The following PTPRM variants were observed in gnomAD, a reference collection of about 807,000 sequenced individuals.
The protein encoded by PTPRM is protein tyrosine phosphatase receptor type M.
A neutral mutation model predicts 186.7 loss-of-function variants in PTPRM; 47 were observed. That is an observed-to-expected ratio of 0.25 (90% CI 0.20 to 0.32). PTPRM has a LOEUF of 0.32. Ranked by LOEUF, PTPRM falls within the 10% of genes least tolerant of loss-of-function variation. The pLI, the probability that PTPRM is intolerant of heterozygous loss-of-function variation, is 1.00. For missense variants in PTPRM, 1,494 were observed against 1,865.0 expected, an observed-to-expected ratio of 0.80 and a Z score of 3.66; for synonymous variants, 668 against 674.9, an observed-to-expected ratio of 0.99 and a Z score of 0.16.
chr18:8,299,807 T>C (rs752556019), intron 20 of PTPRM, among the ~76,000 whole-genome samples: 15 of 152,240 alleles, frequency 9.9e-5, no homozygotes, highest in Non-Finnish European at 1.8e-4. Flanking sequence ...GGTCTGACTA[T>C]GTTCCAGGGA....
At chr18:7,714,957 A>C (rs2040293777) in intron 1 of PTPRM, among the ~76,000 whole-genome samples, 1 of 152,164 alleles carries the variant, frequency 6.6e-6, no homozygotes, top group South Asian at 2.1e-4. Context: ...ATTCCTTCCG[A>C]AACTATTCCA....
chr18:8,257,734 T>C (rs1359269072), intron 19 of PTPRM, among the ~76,000 whole-genome samples: 1 of 152,248 alleles, frequency 6.6e-6, no homozygotes, highest in Non-Finnish European at 1.5e-5. Context: ...CTTTCTGGTC[T>C]TCTTCAATCT....
intron 25 of PTPRM, 130 bp downstream of exon 25, chr18:8,376,330 A>G: frequency 6.5e-7 from 1 of 1,530,620 alleles, no homozygotes; most frequent in Non-Finnish European, 8.9e-7. Context: ...GGAGCACTAA[A>G]TGCCACTGGA....
At chr18:7,854,932 T>TATTCAAGGA in intron 2 of PTPRM, among the ~76,000 whole-genome samples, 1 of 152,162 alleles carries the variant, frequency 6.6e-6, no homozygotes, top group Admixed American at 6.5e-5. Context: ...AGTTATCATT[T>TATTCAAGGA]TACTGCATAT....
At chr18:8,123,559 C>T (rs2092247140) in intron 13 of PTPRM, among the ~76,000 whole-genome samples, 1 of 152,180 alleles carries the variant, frequency 6.6e-6, no homozygotes, top group African/African-American at 2.4e-5. Context: ...ATTGACAGTT[C>T]TGTTGCCCTT....
intron 7 of PTPRM, among the ~76,000 whole-genome samples, chr18:8,006,238 C>T (rs1245272669): frequency 3.9e-5 from 6 of 152,194 alleles, no homozygotes; most frequent in Non-Finnish European, 8.8e-5. Flanking sequence ...CCCAAGTAAA[C>T]ATTTATAAAT....
chr18:7,709,343 A>G (rs982049956), intron 1 of PTPRM, among the ~76,000 whole-genome samples: 27 of 152,322 alleles, frequency 1.8e-4, no homozygotes, highest in African/African-American at 5.0e-4. Context: ...GGAAATTAAA[A>G]AATTATTTGA....
intron 7 of PTPRM, among the ~76,000 whole-genome samples, chr18:8,052,664 ATTC>A (rs1364045539): frequency 2.0e-5 from 3 of 152,208 alleles, no homozygotes; most frequent in African/African-American, 7.2e-5. Flanking sequence ...CTGCCAGGTT[ATTC>A]TTCTAAGTGA....
chr18:7,950,645 A>G (rs2052884750), intron 6 of PTPRM, among the ~76,000 whole-genome samples: 2 of 152,122 alleles, frequency 1.3e-5, no homozygotes. Context: ...TGTATATTAT[A>G]TATAGGACAC....
At chr18:7,848,405 A>T (rs1487062924) in intron 2 of PTPRM, among the ~76,000 whole-genome samples, 1 of 152,212 alleles carries the variant, frequency 6.6e-6, no homozygotes, top group African/African-American at 2.4e-5. Flanking sequence ...CCAATATTTC[A>T]TGAAAAAAAT....
intron 31 of PTPRM, among the ~76,000 whole-genome samples, chr18:8,391,707 C>T (rs757119731): frequency 1.3e-5 from 2 of 152,182 alleles, no homozygotes; most frequent in Non-Finnish European, 2.9e-5. Flanking sequence ...GAGCTGTCTA[C>T]TTACGGTCTT....
chr18:7,657,767 G>T (rs984809054), intron 1 of PTPRM, among the ~76,000 whole-genome samples: 3 of 152,158 alleles, frequency 2.0e-5, no homozygotes, highest in Admixed American at 2.0e-4. Context: ...TTGCATTTTT[G>T]TTTCGCTCAT....
At chr18:7,607,491 T>C (rs1364352618) in intron 1 of PTPRM, among the ~76,000 whole-genome samples, 1 of 152,180 alleles carries the variant, frequency 6.6e-6, no homozygotes, top group Non-Finnish European at 1.5e-5. Context: ...GAGCCGTATT[T>C]CTGGGTTCAG....
chr18:7,993,201 T>G (rs1313101267), intron 7 of PTPRM, among the ~76,000 whole-genome samples: 2 of 151,772 alleles, frequency 1.3e-5, no homozygotes, highest in African/African-American at 4.8e-5. Flanking sequence ...AAAAAATAAT[T>G]TTAAAAAGAA....
intron 24 of PTPRM, among the ~76,000 whole-genome samples, chr18:8,373,803 T>G (rs766547042): frequency 3.3e-5 from 5 of 151,698 alleles, no homozygotes; most frequent in African/African-American, 7.3e-5. Context: ...AAGGATCGCC[T>G]GAGCCCGAGA....
At chr18:8,369,973 CAAAT>C (rs970422335) in intron 23 of PTPRM, among the ~76,000 whole-genome samples, 1 of 151,926 alleles carries the variant, frequency 6.6e-6, no homozygotes, top group African/African-American at 2.4e-5. Flanking sequence ...AAAACAAAAA[CAAAT>C]AAAAAACATT....
chr18:8,051,758 CT>C (rs2087516441), intron 7 of PTPRM, among the ~76,000 whole-genome samples: 1 of 151,968 alleles, frequency 6.6e-6, no homozygotes, highest in East Asian at 1.9e-4. Context: ...CCTTGCTTTT[CT>C]TTTTTATTCT....
rs569224106 is a variant in PTPRM, at chr18:7,803,502, T to C, written c.196+29231T>C. The stretch of plus-strand genomic sequence containing the variant: ...TGCTGAGCAACTTTAATTCCCTCTT[T>C]CCATGTAATTTAACATCCTCATGCA... On this transcript the variant is annotated intron_variant, in intron 2 of 32. Transcript: ENST00000580170. Among the ~76,000 whole-genome samples the C allele has an allele frequency of 1.8e-4, 27 of 152,290 alleles. No homozygotes were observed. In the Middle Eastern group the frequency reaches 0.014, roughly 77 times the overall value.
intron 1 of PTPRM, among the ~76,000 whole-genome samples, chr18:7,571,265 G>A (rs551693861): frequency 8.6e-4 from 131 of 152,150 alleles, no homozygotes; most frequent in Non-Finnish European, 1.7e-3. Flanking sequence ...TATCATTACC[G>A]TTTCTAATTT....
Sources: allele counts gnomAD v4.1 joint callset (sites outside exome capture counted in the v4.1 genomes callset), GRCh38; gene constraint gnomAD v4.1.1; transcripts MANE v1.5; gene names NCBI Gene and HGNC (gene_info 2026-07-23, HGNC 2026-07-21).